The following DAB1 variants were observed in gnomAD, a reference collection of about 807,000 sequenced individuals.
The protein encoded by DAB1 is disabled homolog 1.
Under a neutral mutation model 64.6 loss-of-function variants are expected in DAB1, and 15 were observed. The ratio of observed to expected loss-of-function variants is 0.23; its 90% CI spans 0.16 to 0.36. DAB1 has a LOEUF of 0.36. Among genes scored for constraint, DAB1 ranks in the 10% least tolerant of loss-of-function variants. The pLI is 1.00. For missense variants in DAB1, 596 were observed against 706.7 expected, an observed-to-expected ratio of 0.84 and a Z score of 1.78; for synonymous variants, 235 against 251.9, an observed-to-expected ratio of 0.93 and a Z score of 0.64.
chr1:57,015,696 T>C (rs1646407798), intron 11 of DAB1, among the ~76,000 whole-genome samples: 1 of 152,204 alleles, frequency 6.6e-6, no homozygotes, highest in Admixed American at 6.5e-5. Context: ...CTGTAGTTGC[T>C]AAAAGTTTCT....
intron 5 of DAB1, among the ~76,000 whole-genome samples, chr1:58,036,152 T>C (rs763559171): frequency 6.6e-6 from 1 of 152,212 alleles, no homozygotes; most frequent in Non-Finnish European, 1.5e-5. Context: ...ATAGTAATAA[T>C]AGCATTTACT....
intron 3 of DAB1, among the ~76,000 whole-genome samples, chr1:58,380,644 T>C (rs1204065527): frequency 6.6e-6 from 1 of 152,156 alleles, no homozygotes; most frequent in African/African-American, 2.4e-5. Context: ...GAAGATAGGA[T>C]TGGAGCAGAT....
chr1:58,212,598 C>T (rs1658615004), intron 4 of DAB1, among the ~76,000 whole-genome samples: 1 of 152,124 alleles, frequency 6.6e-6, no homozygotes, highest in Admixed American at 6.5e-5. Flanking sequence ...ATGGAAATAC[C>T]ATCTCCCCCA....
intron 5 of DAB1, among the ~76,000 whole-genome samples, chr1:57,929,928 G>A (rs1195874631): frequency 6.6e-6 from 1 of 152,162 alleles, no homozygotes; most frequent in African/African-American, 2.4e-5. Flanking sequence ...CATCCCACCA[G>A]GTGCCCTTCC....
chr1:57,564,026 G>C (rs981022493), intron 7 of DAB1, among the ~76,000 whole-genome samples: 4 of 152,162 alleles, frequency 2.6e-5, no homozygotes, highest in African/African-American at 9.7e-5. Context: ...AGCCAAACTG[G>C]GAGGCACCCC....
intron 4 of DAB1, among the ~76,000 whole-genome samples, chr1:58,212,283 T>C (rs1658596944): frequency 1.3e-5 from 2 of 152,190 alleles, no homozygotes; most frequent in Admixed American, 1.3e-4. Flanking sequence ...TTGCCTTGTT[T>C]ATTGCTCATT....
At chr1:56,998,993 G>A (rs571662789) in intron 14 of DAB1, among the ~76,000 whole-genome samples, 1 of 152,318 alleles carries the variant, frequency 6.6e-6, no homozygotes, top group South Asian at 2.1e-4. Context: ...AGGACCTTCT[G>A]TTAAAATTGA....
intron 2 of DAB1, among the ~76,000 whole-genome samples, chr1:58,512,806 A>G (rs11805031): frequency 0.12 from 17,685 of 152,218 alleles, 1,222 homozygotes; most frequent in African/African-American, 0.18. Context: ...TGCAAAATGA[A>G]TAAGATCTAG....
intron 7 of DAB1, among the ~76,000 whole-genome samples, chr1:57,536,858 A>T (rs2691442): frequency 0.18 from 27,695 of 151,976 alleles, 2,685 homozygotes; most frequent in South Asian, 0.35. Flanking sequence ...ATAGTTTGGA[A>T]TGTAGAGACC....
At chr1:57,493,126 A>G (rs201163907) in intron 7 of DAB1, among the ~76,000 whole-genome samples, 4 of 149,628 alleles carry the variant, frequency 2.7e-5, no homozygotes, top group African/African-American at 9.8e-5. Flanking sequence ...AATTGTGTGT[A>G]TGTGTGTGTG....
chr1:57,911,114 C>T (rs1442333273), intron 5 of DAB1, among the ~76,000 whole-genome samples: 1 of 146,068 alleles, frequency 6.8e-6, no homozygotes, highest in African/African-American at 2.4e-5. Flanking sequence ...TGCACAAAGA[C>T]ATTTAGGGAA....
rs1475121762 is a variant in DAB1, at chr1:58,225,957, A to T, written n.310-75369T>A. On this transcript the variant is annotated intron_variant and non_coding_transcript_variant, in intron 4 of 20. Transcript: ENST00000485760. ...CACATGTACCCTAAAACTTAGTATT[A>T]AAAAAAAAAAAAAAAAAAAACCTGA... is the stretch of plus-strand genomic sequence containing the variant. Among the ~76,000 whole-genome samples, 10 of 10,088 alleles carry T rather than the reference A, an allele frequency of 9.9e-4. No individual in the cohort carries two copies. In the East Asian group the frequency reaches 0.023, roughly 23 times the overall value. The allele number at this position is 10,088 out of a possible 152,430, so 6.6% of individuals were successfully genotyped here. A position where few individuals can be genotyped will look rare whatever the true frequency, so the allele number is the denominator to read the frequency against.
At chr1:57,083,295 T>C (rs563902717) in intron 4 of DAB1, among the ~76,000 whole-genome samples, 15 of 152,354 alleles carry the variant, frequency 9.8e-5, no homozygotes, top group African/African-American at 3.1e-4. Flanking sequence ...GCAGCCTCTG[T>C]GCACTTGAAT....
At chr1:57,191,451 T>C (rs1030644752) in intron 2 of DAB1, among the ~76,000 whole-genome samples, 2 of 152,194 alleles carry the variant, frequency 1.3e-5, no homozygotes, top group Admixed American at 6.5e-5. Context: ...CCTTTACCAC[T>C]GTCTCATTTC....
At chr1:58,193,187 TA>T (rs1456338328) in intron 4 of DAB1, among the ~76,000 whole-genome samples, 1 of 152,014 alleles carries the variant, frequency 6.6e-6, no homozygotes, top group African/African-American at 2.4e-5. Context: ...GGGAAGTGAG[TA>T]AGTCTCACTG....
chr1:57,391,711 A>C (rs1284893459), intron 1 of DAB1, among the ~76,000 whole-genome samples: 1 of 151,488 alleles, frequency 6.6e-6, no homozygotes, highest in Non-Finnish European at 1.5e-5. Context: ...TTCTGGAGCA[A>C]TGTTGCCCTA....
At chr1:57,406,910 C>A (rs903134888) in intron 1 of DAB1, among the ~76,000 whole-genome samples, 3 of 152,136 alleles carry the variant, frequency 2.0e-5, no homozygotes, top group African/African-American at 7.2e-5. Flanking sequence ...GTAATGTAAC[C>A]AGAAGAATGC....
intron 9 of DAB1, among the ~76,000 whole-genome samples, 180 bp from the exon 10 acceptor site, chr1:57,026,223 C>T (rs1187528113): frequency 6.6e-6 from 1 of 152,210 alleles, no homozygotes; most frequent in African/African-American, 2.4e-5. Context: ...TTGAATGCAG[C>T]CAGAATCAAT....
rs181462023 is a variant in DAB1 at position 57,048,591 on chromosome 1, T to C, written c.723+14293A>G. On this transcript the variant is annotated intron_variant, in intron 9 of 14. Coordinates refer to ENST00000371236, the MANE Select transcript of DAB1 (RefSeq NM_001365792.1). The stretch of plus-strand genomic sequence containing the variant: ...ACCCACGTAATAACGAGTGGATTAT[T>C]CTGGACAGTAGTTTTCATACTACCT... 4.6e-5 allele frequency among the ~76,000 whole-genome samples: 7 copies of C among 152,348 alleles called. No individual in the cohort carries two copies. The East Asian group carries it at 1.2e-3, about 25-fold the overall frequency.
Sources: gnomAD v4.1 joint callset for allele counts (sites outside exome capture counted in the v4.1 genomes callset) on GRCh38, gnomAD v4.1.1 for gene constraint, MANE v1.5 for transcripts, NCBI Gene and HGNC (gene_info 2026-07-23, HGNC 2026-07-21) for gene names.